The following CPA6 variants were observed in gnomAD, a reference collection of about 807,000 sequenced individuals.
The protein encoded by CPA6 is carboxypeptidase B.
CPA6 carries 58 observed loss-of-function variants against 63.3 expected under a neutral mutation model. That is an observed-to-expected ratio of 0.92 (90% CI 0.74 to 1.14). CPA6 has a LOEUF of 1.14. CPA6 is among the 50% of genes most tolerant of loss of function. CPA6 has a pLI of 0.00. For missense variants in CPA6, 565 were observed against 526.6 expected (o/e 1.07, Z -0.71); for synonymous variants, 185 against 179.0 (o/e 1.03, Z -0.27).
chr8:67,601,797 C>T (rs1414974045), intron 2 of CPA6, among the ~76,000 whole-genome samples: 1 of 152,110 alleles, frequency 6.6e-6, no homozygotes, highest in Non-Finnish European at 1.5e-5. Context: ...ACTGACAAAA[C>T]CTCTATGGAG....
chr8:67,538,835 A>G (rs1483422818), intron 2 of CPA6, among the ~76,000 whole-genome samples: 1 of 151,526 alleles, frequency 6.6e-6, no homozygotes, highest in East Asian at 1.9e-4. Flanking sequence ...AATTTTTTGT[A>G]TTTTTAGTAG....
At chr8:67,535,146 G>A (rs1386461277) in intron 2 of CPA6, among the ~76,000 whole-genome samples, 1 of 152,090 alleles carries the variant, frequency 6.6e-6, no homozygotes, top group Admixed American at 6.6e-5. Flanking sequence ...TTGCTATTGG[G>A]AATAGTGCTG....
intron 1 of CPA6, among the ~76,000 whole-genome samples, chr8:67,690,329 A>G (rs1239706558): frequency 6.6e-6 from 1 of 152,246 alleles, no homozygotes; most frequent in Non-Finnish European, 1.5e-5. Context: ...CGATGGCAAC[A>G]GAAATAAATA....
intron 1 of CPA6, among the ~76,000 whole-genome samples, chr8:67,728,849 G>A (rs911504333): frequency 3.3e-5 from 5 of 152,202 alleles, no homozygotes; most frequent in African/African-American, 1.2e-4. Flanking sequence ...TGAGGATGGA[G>A]CTGGTGGTCC....
intron 1 of CPA6, among the ~76,000 whole-genome samples, chr8:67,690,438 G>A (rs1563394623): frequency 6.6e-6 from 1 of 152,126 alleles, no homozygotes; most frequent in Non-Finnish European, 1.5e-5. Flanking sequence ...TGAGAAATTT[G>A]GTTCTAGCAA....
At chr8:67,710,721 A>G (rs576553561) in intron 1 of CPA6, among the ~76,000 whole-genome samples, 7 of 149,048 alleles carry the variant, frequency 4.7e-5, no homozygotes, top group Non-Finnish European at 8.9e-5. Context: ...CTAGGGTCCC[A>G]TTGGCCCAAA....
chr8:67,646,999 T>G (rs894520038), intron 1 of CPA6, among the ~76,000 whole-genome samples: 2 of 152,210 alleles, frequency 1.3e-5, no homozygotes, highest in East Asian at 3.9e-4. Context: ...AAGCTCACTC[T>G]GGCTGCTATG....
intron 2 of CPA6, among the ~76,000 whole-genome samples, chr8:67,555,461 G>C (rs933818274): frequency 6.6e-6 from 1 of 152,158 alleles, no homozygotes; most frequent in Non-Finnish European, 1.5e-5. Context: ...CAAAGAGGAC[G>C]GGGAAGCCCC....
intron 2 of CPA6, among the ~76,000 whole-genome samples, chr8:67,541,673 C>T (rs1032918336): frequency 3.9e-5 from 6 of 152,110 alleles, no homozygotes; most frequent in African/African-American, 9.7e-5. Flanking sequence ...TTCTTTAACT[C>T]GGTGTCTGAG....
rs149601836 is a variant in CPA6, at chr8:67,726,635, T to C, written c.116+19379A>G. On this transcript the variant is annotated intron_variant, in intron 1 of 10. Transcript: ENST00000297770. ...CCTAACTTTTAAATAAAAATCTAAA[T>C]ACAGATTTAATCATACTGTGATATT... Among the ~76,000 whole-genome samples the C allele has an allele frequency of 9.8e-5, 15 of 152,346 alleles. No homozygotes were observed. In the East Asian group the frequency reaches 2.9e-3, roughly 29 times the overall value.
chr8:67,585,593 CT>C (rs1813908710), intron 2 of CPA6, among the ~76,000 whole-genome samples: 1 of 152,056 alleles, frequency 6.6e-6, no homozygotes, highest in Non-Finnish European at 1.5e-5. Flanking sequence ...TAAACTACAG[CT>C]ACAGCATGCA....
intron 8 of CPA6, among the ~76,000 whole-genome samples, chr8:67,435,788 G>A (rs1199444336): frequency 6.6e-6 from 1 of 151,948 alleles, no homozygotes; most frequent in East Asian, 1.9e-4. Flanking sequence ...ACCAACTTTG[G>A]TCCCTCTCTG....
intron 6 of CPA6, among the ~76,000 whole-genome samples, chr8:67,486,070 T>C (rs1378703324): frequency 6.6e-6 from 1 of 152,236 alleles, no homozygotes; most frequent in African/African-American, 2.4e-5. Context: ...GTTGTTTTTG[T>C]CACTAATGTT....
At chr8:67,480,994 TGTGC>T (rs993423375) in intron 8 of CPA6, among the ~76,000 whole-genome samples, 2 of 152,254 alleles carry the variant, frequency 1.3e-5, no homozygotes, top group African/African-American at 4.8e-5. Context: ...TGAAATCATT[TGTGC>T]ACTTTTAAAT....
At chr8:67,601,865 T>G (rs773507090) in intron 2 of CPA6, among the ~76,000 whole-genome samples, 1 of 152,200 alleles carries the variant, frequency 6.6e-6, no homozygotes, top group Non-Finnish European at 1.5e-5. Context: ...CAAAAAATTC[T>G]ATTTCTGAGA....
chr8:67,583,114 C>T (rs1054197871), intron 2 of CPA6, among the ~76,000 whole-genome samples: 1 of 148,182 alleles, frequency 6.7e-6, no homozygotes, highest in Admixed American at 6.9e-5. Context: ...GTGGGGATCA[C>T]GATTGATTTC....
intron 2 of CPA6, among the ~76,000 whole-genome samples, chr8:67,538,668 C>CT (rs1264371090): frequency 2.6e-5 from 4 of 151,654 alleles, no homozygotes; most frequent in South Asian, 2.1e-4. Flanking sequence ...CAGTCTGTGT[C>CT]TTTTTTTTCT....
At chr8:67,635,049 G>A in intron 1 of CPA6, among the ~76,000 whole-genome samples, 1 of 151,132 alleles carries the variant, frequency 6.6e-6, no homozygotes, top group East Asian at 1.9e-4. Context: ...ACTATGCCCT[G>A]CTATTTTTTA....
rs67842734 is a variant in CPA6, at chr8:67,713,099, GTATATATATATA to G, written c.116+32903_116+32914del. On this transcript the variant is annotated intron_variant, in intron 1 of 10. Coordinates refer to ENST00000297770, the MANE Select transcript of CPA6 (RefSeq NM_020361.5). ...TGTGTGTGTATGTGTGTGTGTGTGT[GTATATATATATA>G]TATATATATATATATATATATATAT... is the stretch of plus-strand genomic sequence containing the variant. Among the ~76,000 whole-genome samples, 275 of 55,046 alleles carry G rather than the reference GTATATATATATA, an allele frequency of 5.0e-3. 8 individuals are homozygous for G. The highest frequency in any genetic ancestry group is 0.016 in the African/African-American group (220 of 13,506). 36.1% of individuals were successfully genotyped at this position (55,046 alleles called of 152,430 possible). A position where few individuals can be genotyped will look rare whatever the true frequency, so the allele number is the denominator to read the frequency against.
Sources: gnomAD v4.1 joint callset for allele counts (sites outside exome capture counted in the v4.1 genomes callset) on GRCh38, gnomAD v4.1.1 for gene constraint, MANE v1.5 for transcripts, NCBI Gene and HGNC (gene_info 2026-07-23, HGNC 2026-07-21) for gene names.